Variants in ANKRD18B observed in about 807,000 individuals in gnomAD.
ANKRD18B encodes ankyrin repeat domain 18B.
A neutral mutation model predicts 111.8 loss-of-function variants in ANKRD18B; 75 were observed. The ratio of observed to expected loss-of-function variants is 0.67; its 90% confidence interval spans 0.56 to 0.81. ANKRD18B has a LOEUF of 0.81. ANKRD18B is among the 40% of genes least tolerant of loss of function. ANKRD18B has a pLI of 0.00. For synonymous variants in ANKRD18B, 356 were observed against 417.3 expected (o/e 0.85, Z 1.79); for missense variants, 1,038 against 1,225.5 (o/e 0.85, Z 2.28).
chr9:33,553,297 T>A (rs1184507203), intron 12 of ANKRD18B, among the ~76,000 whole-genome samples: 1 of 151,730 alleles, frequency 6.6e-6, no homozygotes, highest in Non-Finnish European at 1.5e-5. Context: ...GAGCTCAGAA[T>A]ATCAAGGCTG....
intron 7 of ANKRD18B, 136 bp from the exon 8 acceptor site, chr9:33,539,942 A>C (rs1828254904): frequency 6.7e-6 from 1 of 150,340 alleles, no homozygotes; most frequent in South Asian, 2.1e-4. Context: ...AACAGCTCCA[A>C]ACACCATGTT....
intron 5 of ANKRD18B, among the ~76,000 whole-genome samples, chr9:33,535,833 A>T (rs1828193184): frequency 6.8e-6 from 1 of 147,404 alleles, no homozygotes; most frequent in Non-Finnish European, 1.5e-5. Flanking sequence ...TATATAGATT[A>T]TATAATCTCT....
intron 14 of ANKRD18B, 27 bp downstream of exon 14, chr9:33,558,214 T>G (rs1288127284): frequency 6.3e-7 from 1 of 1,582,462 alleles, no homozygotes; most frequent in Admixed American, 1.8e-5. Flanking sequence ...TTATTTTATC[T>G]TAAGGTCTAG....
chr9:33,559,021 G>T (rs527664876), intron 14 of ANKRD18B, among the ~76,000 whole-genome samples: 1 of 152,288 alleles, frequency 6.6e-6, no homozygotes, highest in South Asian at 2.1e-4. Context: ...TGGGTTTTAA[G>T]GATTCTTTCA....
At chr9:33,537,162 TG>T in intron 6 of ANKRD18B, among the ~76,000 whole-genome samples, 2 of 151,818 alleles carry the variant, frequency 1.3e-5, no homozygotes, top group South Asian at 4.2e-4. Flanking sequence ...CTGGGCATCA[TG>T]GTGGGCGCCT....
chr9:33,549,971 TC>T (rs1481379128), intron 11 of ANKRD18B, among the ~76,000 whole-genome samples: 1 of 152,150 alleles, frequency 6.6e-6, no homozygotes, highest in Non-Finnish European at 1.5e-5. Flanking sequence ...ATCCCCATTT[TC>T]AGACTAATGA....
At position 33,529,118 on chromosome 9, in the gene ANKRD18B, C is replaced by G; in HGVS notation, c.440C>G (p.Thr147Ser). 1 of 1,611,952 alleles carries G rather than the reference C, an allele frequency of 6.2e-7. No individual in the cohort carries two copies. Among genetic ancestry groups the G allele is most frequent in the Non-Finnish European group, 8.5e-7 (1 of 1,179,844 alleles). ...CATTATGCCGTGTATAATGAGGGGA[C>G]TTCACTGGCAGAAAGACTGCTTTCC... Reference protein sequence around the residue: ...ALHYAVYNEGTSLAERLLSHH... With the variant: ...ALHYAVYNEGSSLAERLLSHH... Residue 147 changes from threonine to serine, a missense_variant, in exon 3 of 19, where the codon ACT (threonine) becomes AGT (serine). By Grantham distance (58) the Thr-to-Ser change is moderately conservative. Transcript: ENST00000684830.
chr9:33,530,016 C>G (rs1165842774), intron 3 of ANKRD18B, among the ~76,000 whole-genome samples: 4 of 152,116 alleles, frequency 2.6e-5, no homozygotes, highest in Non-Finnish European at 5.9e-5. Context: ...GCAAAATCAA[C>G]TGGGATTTTG....
Position 33,538,089 on chromosome 9 carries a change from G to A in ANKRD18B, c.808+1144G>A, listed in dbSNP as rs140297275. On this transcript the variant is annotated intron_variant, in intron 6 of 18. Coordinates refer to ENST00000684830, the MANE Select transcript of ANKRD18B (RefSeq NM_001393611.1). Reference sequence around the variant, plus strand: ...AACTCTTGTTGTTCAAGGGTCAACTGCATTACACAGGAATTTGTGTCACTA... The same window carrying A: ...AACTCTTGTTGTTCAAGGGTCAACTACATTACACAGGAATTTGTGTCACTA... Among the ~76,000 whole-genome samples the A allele has an allele frequency of 2.2e-3, 336 of 152,224 alleles. 2 individuals are homozygous for A. The highest frequency in any genetic ancestry group is 3.6e-3 in the Non-Finnish European group (245 of 68,016).
intron 17 of ANKRD18B, among the ~76,000 whole-genome samples, chr9:33,571,034 A>G (rs1368273332): frequency 1.3e-5 from 2 of 152,184 alleles, no homozygotes; most frequent in Non-Finnish European, 2.9e-5. Context: ...TCTAAACAGC[A>G]TTACACAGAT....
chr9:33,544,367 C>T (rs1353133368), intron 10 of ANKRD18B, among the ~76,000 whole-genome samples: 3 of 152,082 alleles, frequency 2.0e-5, no homozygotes, highest in African/African-American at 7.2e-5. Context: ...TTTGTTCATA[C>T]TTAATTTAGA....
At chr9:33,555,092 A>G (rs1259916922) in intron 12 of ANKRD18B, among the ~76,000 whole-genome samples, 2 of 149,952 alleles carry the variant, frequency 1.3e-5, no homozygotes, top group Non-Finnish European at 1.5e-5. Flanking sequence ...ATAGAGTCCA[A>G]TGGAAGGGGA....
Position 33,548,200 on chromosome 9 carries a change from G to A in ANKRD18B, c.1412G>A (p.Arg471Lys), listed in dbSNP as rs1828390181. The change falls in exon 11 of 19, where the codon AGG becomes AAG. Residue 471 changes from arginine to lysine, a missense_variant. Arg to Lys is a conservative substitution (Grantham distance 26, BLOSUM62 2). This residue lies in a region of ANKRD18B where 205 missense variants were observed against 201.3 expected (regional missense o/e 1.02). Transcript: ENST00000684830. ...AATGATCTGAAAGCTGAGAATGCAA[G>A]GCTGAATTCAAAATTGGAGAAGGAA... ...QLNDLKAENA[R>K]LNSKLEKEKH... The A allele has an allele frequency of 3.2e-6, 5 of 1,549,968 alleles. No homozygotes were observed. The South Asian group carries it at 6.0e-5, about 19-fold the overall frequency.
At chr9:33,573,207 C>T (rs1339987484), downstream of ANKRD18B, 2 of 985,268 alleles carry the variant, frequency 2.0e-6, no homozygotes, top group African/African-American at 1.7e-5. Flanking sequence ...AGAGTTGGAG[C>T]CACCGAGGAA....
In ANKRD18B at chr9:33,572,676, A is replaced by G; in HGVS notation, c.*242A>G. 9.0e-7 allele frequency: 1 copy of G among 1,117,150 alleles called. No homozygotes were observed. The allele number at this position is 1,117,150 out of a possible 1,614,324, so 69.2% of individuals were successfully genotyped here. On this transcript the variant is annotated 3_prime_UTR_variant, in exon 19 of 19. Transcript: ENST00000684830. Reference sequence around the variant, plus strand: ...TGAATGTCAGCTGTTTAAACAGCCAAACAACCAAGTCATCATTGATACTGT... The same window carrying G: ...TGAATGTCAGCTGTTTAAACAGCCAGACAACCAAGTCATCATTGATACTGT...
At chr9:33,543,084 C>G (rs1431651469) in intron 9 of ANKRD18B, 101 bp from the exon 10 acceptor site, 23 of 1,099,262 alleles carry the variant, frequency 2.1e-5, no homozygotes, top group Non-Finnish European at 3.0e-5. Context: ...TTTAAATTCT[C>G]AATTTATAAA....
intron 17 of ANKRD18B, among the ~76,000 whole-genome samples, chr9:33,570,122 GA>G (rs535807732): frequency 1.1e-4 from 16 of 152,330 alleles, no homozygotes; most frequent in Non-Finnish European, 2.2e-4. Context: ...ATGCAGCCAT[GA>G]AAAGAACAAA....
chr9:33,529,287 A>G (rs1427071024), intron 3 of ANKRD18B, 114 bp downstream of exon 3: 2 of 1,388,864 alleles, frequency 1.4e-6, no homozygotes, highest in Non-Finnish European at 9.5e-7. Flanking sequence ...TTTTGAAATA[A>G]CTTAATTGTC....
Position 33,528,796 on chromosome 9 carries a change from C to A in ANKRD18B, c.276C>A (p.Cys92Ter). 6.2e-7 allele frequency: 1 copy of A among 1,612,908 alleles called. No homozygotes were observed. The highest frequency in any genetic ancestry group is 8.5e-7 in the Non-Finnish European group (1 of 1,179,458). The stretch of plus-strand genomic sequence containing the variant: ...TCACTCTCTTGCTGGACAGAAAATG[C>A]CAGATCAACATCTGTGACAGACTAA... ...QVVTLLLDRK[C>*]QINICDRLNR... Residue 92 changes from cysteine to a stop codon, truncating the protein, a stop_gained, in exon 2 of 19, where the codon TGC (cysteine) becomes TGA (stop). Coordinates refer to ENST00000684830, the MANE Select transcript of ANKRD18B (RefSeq NM_001393611.1). LOFTEE classifies it high-confidence loss of function.
Sources: allele counts gnomAD v4.1 joint callset (sites outside exome capture counted in the v4.1 genomes callset), GRCh38; gene constraint gnomAD v4.1.1; regional missense constraint gnomAD v4.1.1; transcripts MANE v1.5; gene names NCBI Gene and HGNC (gene_info 2026-07-23, HGNC 2026-07-21).